REEP3: variants seen among roughly 807,000 people sequenced by gnomAD.
REEP3 encodes receptor expression-enhancing protein 3.
Under a neutral mutation model 41.3 loss-of-function variants are expected in REEP3, and 20 were observed. The ratio of observed to expected loss-of-function variants is 0.48; its 90% CI spans 0.34 to 0.70. The LOEUF (loss-of-function observed/expected upper bound fraction) is 0.70. REEP3 is among the 30% of genes least tolerant of loss of function. REEP3 has a pLI of 0.01. For synonymous variants in REEP3, 104 were observed against 101.8 expected, an observed-to-expected ratio of 1.02 and a Z score of -0.13; for missense variants, 271 against 308.8, an observed-to-expected ratio of 0.88 and a Z score of 0.92.
In REEP3 at chr10:63,610,324, T is replaced by G. The variant is rs1394942799; in HGVS notation, c.555T>G (p.Ser185Arg). The part of the protein sequence containing the change: ...EAKKKSKPAP[S>R]ESAGYGIPLK... ...AAAAGAAAAGTAAACCAGCCCCCAG[T>G]GAATCAGCAGGTGTGCTTGTGTGTT... Residue 185 changes from serine (S) to arginine (R), a missense_variant, in exon 6 of 8, where the codon AGT becomes AGG. By Grantham distance (110) the Ser-to-Arg change is moderately radical (BLOSUM62 -1). Coordinates refer to ENST00000373758, the MANE Select transcript of REEP3 (RefSeq NM_001001330.3). 6.4e-7 allele frequency: 1 copy of G among 1,553,732 alleles called. No homozygotes were observed. Among genetic ancestry groups the G allele is most frequent in the East Asian group, 2.4e-5 (1 of 41,306 alleles).
rs1328787038 is a variant in REEP3 at position 63,621,973 on chromosome 10, G to A, written c.*1104G>A. On this transcript the variant is annotated 3_prime_UTR_variant, in exon 8 of 8. Coordinates refer to ENST00000373758, the MANE Select transcript of REEP3 (RefSeq NM_001001330.3). ...GCAAAATACAGTTGTCATTAATCCT[G>A]CACATTAGAAATTATTAGAAACATA... The A allele has an allele frequency of 6.6e-6, 1 of 152,164 alleles. No individual in the cohort carries two copies. The highest frequency in any genetic ancestry group is 1.5e-5 in the Non-Finnish European group (1 of 68,012). 9.4% of individuals were successfully genotyped at this position (152,164 alleles called of 1,614,324 possible).
chr10:63,578,873 C>G (rs1955921407), intron 2 of REEP3, among the ~76,000 whole-genome samples: 1 of 151,770 alleles, frequency 6.6e-6, no homozygotes, highest in Admixed American at 6.6e-5. Flanking sequence ...ACACTGAATT[C>G]ATGTGTGCTT....
chr10:63,599,980 G>A (rs994804427), intron 5 of REEP3, among the ~76,000 whole-genome samples: 1 of 152,150 alleles, frequency 6.6e-6, no homozygotes, highest in African/African-American at 2.4e-5. Context: ...TAAAATGGGG[G>A]TAATATACCT....
intron 1 of REEP3, among the ~76,000 whole-genome samples, chr10:63,542,976 A>T (rs1589860412): frequency 6.6e-6 from 1 of 152,056 alleles, no homozygotes; most frequent in African/African-American, 2.4e-5. Context: ...GCTATTCCTC[A>T]TGCCATATTG....
At chr10:63,574,878 G>GA (rs1955884691) in intron 2 of REEP3, among the ~76,000 whole-genome samples, 2 of 73,162 alleles carry the variant, frequency 2.7e-5, no homozygotes, top group Non-Finnish European at 5.1e-5. Context: ...TTTTTTTTGA[G>GA]ACAGAGTCTC....
At chr10:63,620,074 A>G (rs1956342232) in intron 7 of REEP3, among the ~76,000 whole-genome samples, 1 of 151,972 alleles carries the variant, frequency 6.6e-6, no homozygotes, top group Non-Finnish European at 1.5e-5. Flanking sequence ...CTGGAACTAC[A>G]GGCACATGCC....
chr10:63,548,041 A>G (rs1955594859), intron 1 of REEP3, among the ~76,000 whole-genome samples: 2 of 152,210 alleles, frequency 1.3e-5, no homozygotes. Flanking sequence ...CCTGAGTGTC[A>G]CTTATTGATT....
chr10:63,526,129 C>T (rs1029441726), intron 1 of REEP3, among the ~76,000 whole-genome samples: 2 of 152,130 alleles, frequency 1.3e-5, no homozygotes, highest in Non-Finnish European at 2.9e-5. Context: ...GTGTAGGTAA[C>T]ATAATTTTAA....
Position 63,521,494 on chromosome 10 carries a change from G to T in REEP3, c.-52G>T. 7.6e-7 allele frequency: 1 copy of T among 1,314,064 alleles called. No individual in the cohort carries two copies. The highest frequency in any genetic ancestry group is 9.9e-7 in the Non-Finnish European group (1 of 1,005,724). 81.4% of individuals were successfully genotyped at this position (1,314,064 alleles called of 1,614,324 possible). On this transcript the variant is annotated 5_prime_UTR_variant, in exon 1 of 8. Coordinates refer to ENST00000373758, the MANE Select transcript of REEP3 (RefSeq NM_001001330.3). The stretch of plus-strand genomic sequence containing the variant: ...CGGCCTGCCGTTGGCGGCCTGGTCC[G>T]CAGCGCCCTGCGCCCACCCGCCCCG...
intron 1 of REEP3, among the ~76,000 whole-genome samples, chr10:63,564,836 A>C (rs941013070): frequency 4.6e-5 from 7 of 152,244 alleles, no homozygotes; most frequent in Non-Finnish European, 1.0e-4. Flanking sequence ...AGTGAACATC[A>C]GTGATGACAA....
At chr10:63,616,349 C>T (rs1009816952) in intron 6 of REEP3, among the ~76,000 whole-genome samples, 7 of 152,184 alleles carry the variant, frequency 4.6e-5, no homozygotes, top group African/African-American at 1.7e-4. Context: ...TCATAATGCC[C>T]ATTACCGTCT....
intron 2 of REEP3, 51 bp downstream of exon 2, chr10:63,566,461 C>A: frequency 1.9e-6 from 2 of 1,047,062 alleles, no homozygotes; most frequent in Non-Finnish European, 1.4e-6. Flanking sequence ...TTTAATGATA[C>A]ACACTGAAAA....
intron 2 of REEP3, among the ~76,000 whole-genome samples, chr10:63,584,011 C>T (rs1955979962): frequency 6.6e-6 from 1 of 152,234 alleles, no homozygotes; most frequent in South Asian, 2.1e-4. Context: ...ACTTTCCCAT[C>T]TCTCAAGTTT....
At chr10:63,596,235 C>T (rs1956113083) in intron 3 of REEP3, among the ~76,000 whole-genome samples, 1 of 152,086 alleles carries the variant, frequency 6.6e-6, no homozygotes, top group Admixed American at 6.5e-5. Context: ...CCCCAAAGCT[C>T]ATTCATTTAT....
chr10:63,523,289 T>C (rs991854629), intron 1 of REEP3, among the ~76,000 whole-genome samples: 6 of 152,082 alleles, frequency 3.9e-5, no homozygotes, highest in African/African-American at 1.4e-4. Context: ...AAGGAAGGGA[T>C]ATCTGGTTGG....
intron 1 of REEP3, among the ~76,000 whole-genome samples, chr10:63,552,951 A>G (rs571816061): frequency 1.6e-4 from 25 of 152,356 alleles, no homozygotes; most frequent in Admixed American, 2.0e-4. Context: ...TCTTGTAGTA[A>G]GAAAGTACTT....
chr10:63,584,652 A>G (rs547726223), intron 2 of REEP3, among the ~76,000 whole-genome samples: 1 of 152,078 alleles, frequency 6.6e-6, no homozygotes, highest in Non-Finnish European at 1.5e-5. Context: ...GGGAATCATT[A>G]TGAAGTAACC....
At chr10:63,558,705 T>C (rs1299063520) in intron 1 of REEP3, among the ~76,000 whole-genome samples, 1 of 152,024 alleles carries the variant, frequency 6.6e-6, no homozygotes, top group African/African-American at 2.4e-5. Context: ...ATCATGCCAC[T>C]GCGTTCCAGC....
intron 5 of REEP3, among the ~76,000 whole-genome samples, chr10:63,604,397 A>G (rs903367615): frequency 6.6e-6 from 1 of 152,232 alleles, no homozygotes; most frequent in African/African-American, 2.4e-5. Flanking sequence ...TGCCAGATGA[A>G]GGACAGATGA....
Sources: gnomAD v4.1 joint callset for allele counts (sites outside exome capture counted in the v4.1 genomes callset) on GRCh38, gnomAD v4.1.1 for gene constraint, MANE v1.5 for transcripts, NCBI Gene and HGNC (gene_info 2026-07-23, HGNC 2026-07-21) for gene names.